The following POTEJ variants were observed in gnomAD, a reference collection of about 807,000 sequenced individuals.
POTEJ encodes POTE ankyrin domain family, member J.
In POTEJ, 11 loss-of-function variants were observed where a neutral mutation model predicts 69.0. The observed-to-expected ratio is 0.16, with a 90% CI of 0.10 to 0.26. The LOEUF is 0.26. POTEJ is among the 10% of genes least tolerant of loss of function. The pLI, the probability that POTEJ is intolerant of heterozygous loss-of-function variation, is 1.00. For missense variants in POTEJ, 327 were observed against 1,045.5 expected (o/e 0.31, Z 9.48); for synonymous variants, 117 against 381.1 (o/e 0.31, Z 8.07).
intron 3 of POTEJ, among the ~76,000 whole-genome samples, chr2:130,618,472 T>C (rs1685442770): frequency 6.7e-6 from 1 of 149,280 alleles, no homozygotes; most frequent in Non-Finnish European, 1.5e-5. Flanking sequence ...GGCATGGTGG[T>C]GCATGGCTGT....
intron 1 of POTEJ, among the ~76,000 whole-genome samples, chr2:130,613,370 ATGTG>A (rs71212139): frequency 8.3e-6 from 1 of 120,946 alleles, no homozygotes; most frequent in South Asian, 2.6e-4. Flanking sequence ...ATACATATAT[ATGTG>A]TGTGTGTGTG....
intron 6 of POTEJ, among the ~76,000 whole-genome samples, chr2:130,628,748 G>A (rs1465038422): frequency 6.7e-6 from 1 of 149,186 alleles, no homozygotes; most frequent in South Asian, 2.1e-4. Flanking sequence ...AAGGATAAGT[G>A]TGGTGGCTCA....
chr2:130,626,735 G>A (rs1332831550), intron 6 of POTEJ, among the ~76,000 whole-genome samples: 2 of 152,164 alleles, frequency 1.3e-5, no homozygotes, highest in Non-Finnish European at 2.9e-5. Context: ...ATACATCCTT[G>A]GAGTAGCATC....
At chr2:130,624,756 G>A (rs1685642332) in intron 6 of POTEJ, among the ~76,000 whole-genome samples, 1 of 152,024 alleles carries the variant, frequency 6.6e-6, no homozygotes, top group Admixed American at 6.5e-5. Context: ...AAAGAACACT[G>A]AAGCACAAGT....
Position 130,624,705 on chromosome 2 carries a change from A to T in POTEJ, c.1015+571A>T, listed in dbSNP as rs1207219994. 2.0e-5 allele frequency among the ~76,000 whole-genome samples: 3 copies of T among 151,702 alleles called. No individual in the cohort carries two copies. The South Asian group carries it at 6.2e-4, about 31-fold the overall frequency. On this transcript the variant is annotated intron_variant, in intron 6 of 14. Transcript: ENST00000409602. ...GAGGACCCCTGCTCTGCGTGGTCCTACCATAGATAAAAAAGTAAAAGTAAG... is the reference window on the plus strand; with the variant it reads ...GAGGACCCCTGCTCTGCGTGGTCCTTCCATAGATAAAAAAGTAAAAGTAAG...
upstream of POTEJ, among the ~76,000 whole-genome samples, chr2:130,611,229 C>T (rs1685196171): frequency 7.7e-6 from 1 of 130,308 alleles, no homozygotes; most frequent in South Asian, 2.5e-4. Flanking sequence ...TCCTCTCTCG[C>T]GTTCCCTTGC....
intron 11 of POTEJ, among the ~76,000 whole-genome samples, chr2:130,645,509 A>T (rs1287837165): frequency 2.2e-5 from 3 of 134,608 alleles, no homozygotes; most frequent in Non-Finnish European, 4.8e-5. Flanking sequence ...TATTTTTCAC[A>T]TGTTAGAAGC....
At chr2:130,618,663 C>T (rs1456668427) in intron 3 of POTEJ, among the ~76,000 whole-genome samples, 3 of 142,122 alleles carry the variant, frequency 2.1e-5, no homozygotes, top group East Asian at 2.0e-4. Context: ...CCACTCAATA[C>T]ATAAATGTAA....
At chr2:130,646,749 C>T (rs1411561307) in intron 13 of POTEJ, among the ~76,000 whole-genome samples, 1 of 141,426 alleles carries the variant, frequency 7.1e-6, no homozygotes, top group African/African-American at 2.9e-5. Context: ...CTCTTTGTGT[C>T]CATGAGTTCT....
intron 10 of POTEJ, among the ~76,000 whole-genome samples, chr2:130,641,444 G>A (rs1686369672): frequency 1.3e-5 from 2 of 148,350 alleles, no homozygotes; most frequent in South Asian, 2.1e-4. Context: ...TTAATAGTTG[G>A]CAGTTTTCTT....
intron 13 of POTEJ, among the ~76,000 whole-genome samples, chr2:130,654,612 G>A (rs1425749476): frequency 1.4e-5 from 2 of 148,110 alleles, no homozygotes; most frequent in Non-Finnish European, 3.0e-5. Context: ...TCTACATTTT[G>A]GTGAGATATA....
chr2:130,611,325 C>T (rs1292212321), upstream of POTEJ, among the ~76,000 whole-genome samples: 3 of 71,100 alleles, frequency 4.2e-5, no homozygotes, highest in Non-Finnish European at 8.2e-5. Context: ...GGCCCTTCCT[C>T]GGGTGGGCGT....
chr2:130,618,301 G>A (rs1290881477), intron 3 of POTEJ, among the ~76,000 whole-genome samples: 21 of 152,406 alleles, frequency 1.4e-4, no homozygotes, highest in African/African-American at 4.6e-4. Context: ...TGAGACTGAA[G>A]TAATTGTCTG....
chr2:130,637,036 T>G lies in POTEJ; in HGVS notation c.1299-1583T>G, dbSNP rs1286285758. On this transcript the variant is annotated intron_variant, in intron 9 of 14. Transcript: ENST00000409602. ...GGAGCTTGCAGTGAGCCGAGATCGT[T>G]GCACTGCACTCCAGCCTGGGTGACA... Among the ~76,000 whole-genome samples the G allele has an allele frequency of 6.8e-5, 10 of 146,220 alleles. No individual in the cohort carries two copies. In the East Asian group the frequency reaches 7.9e-4, roughly 11 times the overall value.
chr2:130,636,204 C>G (rs1281818099), intron 9 of POTEJ, among the ~76,000 whole-genome samples: 2 of 151,850 alleles, frequency 1.3e-5, no homozygotes, highest in African/African-American at 2.4e-5. Context: ...TATTTAAAAC[C>G]ACCTTTCTAA....
chr2:130,629,425 A>T (rs1426372549), intron 6 of POTEJ, among the ~76,000 whole-genome samples: 1 of 144,768 alleles, frequency 6.9e-6, no homozygotes, highest in African/African-American at 2.7e-5. Context: ...GCTCTGAGTG[A>T]ATGCTGAGGG....
chr2:130,641,919 C>T (rs1266070010), intron 10 of POTEJ, among the ~76,000 whole-genome samples: 1 of 152,208 alleles, frequency 6.6e-6, no homozygotes, highest in Non-Finnish European at 1.5e-5. Context: ...AGAATTGGGA[C>T]AGATGAACTT....
At chr2:130,644,594 C>G (rs1326906622) in intron 11 of POTEJ, among the ~76,000 whole-genome samples, 1 of 152,110 alleles carries the variant, frequency 6.6e-6, no homozygotes, top group Non-Finnish European at 1.5e-5. Context: ...ACATAACCCA[C>G]TATAAAATTT....
At chr2:130,640,844 T>C (rs1389289578) in intron 10 of POTEJ, among the ~76,000 whole-genome samples, 2 of 152,204 alleles carry the variant, frequency 1.3e-5, no homozygotes, top group Non-Finnish European at 2.9e-5. Context: ...AGACTTATGT[T>C]TTTTCTGCCA....
Sources: gnomAD v4.1 joint callset for allele counts (sites outside exome capture counted in the v4.1 genomes callset) on GRCh38, gnomAD v4.1.1 for gene constraint, MANE v1.5 for transcripts, NCBI Gene and HGNC (gene_info 2026-07-23, HGNC 2026-07-21) for gene names.